Variants in NFX1 observed in about 807,000 individuals in gnomAD.
NFX1 encodes transcriptional repressor NF-X1.
In NFX1, 69 loss-of-function variants were observed where a neutral mutation model predicts 137.2. The observed-to-expected ratio is 0.50, with a 90% CI of 0.41 to 0.61. The LOEUF (loss-of-function observed/expected upper bound fraction) is 0.61, where lower values mean the gene tolerates loss of function less well. NFX1 is among the 20% of genes least tolerant of loss of function. The pLI is 0.00. For synonymous variants in NFX1, 495 were observed against 474.1 expected, an observed-to-expected ratio of 1.04 and a Z score of -0.57; for missense variants, 1,167 against 1,391.0, an observed-to-expected ratio of 0.84 and a Z score of 2.56.
At chr9:33,339,106 C>G (rs1277496476) in intron 12 of NFX1, among the ~76,000 whole-genome samples, 4 of 152,032 alleles carry the variant, frequency 2.6e-5, no homozygotes, top group Admixed American at 2.6e-4. Context: ...ATCTCATATA[C>G]TCTTTTATAT....
At chr9:33,369,790 TA>T in intron 23 of NFX1, 115 bp from the exon 24 acceptor site, 1 of 790,678 alleles carries the variant, frequency 1.3e-6, no homozygotes, top group Non-Finnish European at 2.0e-6. Flanking sequence ...AAAATAAAAA[TA>T]AAATAAATGT....
Position 33,344,098 on chromosome 9 carries a change from G to A in NFX1, c.2254G>A (p.Ala752Thr). The change falls in exon 14 of 24, where the codon GCA becomes ACA. Residue 752 changes from alanine (A) to threonine (T), a missense_variant. Physicochemically the swap from Ala to Thr is moderately conservative, Grantham distance 58 (BLOSUM62 0). Transcript: ENST00000379540. ...TGATGAATTAACCTGCCATTGTGGT[G>A]CATCAGTGATTTACCCTCCAGTTCC... ...SFDELTCHCG[A>T]SVIYPPVPCG... 4 of 1,614,026 alleles carry A rather than the reference G, an allele frequency of 2.5e-6. No individual in the cohort carries two copies. The highest frequency in any genetic ancestry group is 2.2e-5 in the East Asian group (1 of 44,878).
intron 15 of NFX1, chr9:33,347,685 C>T (rs1174687771): frequency 4.6e-6 from 2 of 436,804 alleles, no homozygotes; most frequent in Non-Finnish European, 9.2e-6. Context: ...TGGGCGTCTA[C>T]CCAGAAGAAA....
intron 15 of NFX1, among the ~76,000 whole-genome samples, chr9:33,347,355 G>A (rs748556877): frequency 6.4e-4 from 98 of 152,196 alleles, no homozygotes; most frequent in Non-Finnish European, 8.8e-4. Context: ...CCACAATCAA[G>A]ATATAGAACA....
At chr9:33,301,833 A>G (rs1821578827) in intron 3 of NFX1, among the ~76,000 whole-genome samples, 1 of 152,162 alleles carries the variant, frequency 6.6e-6, no homozygotes, top group Non-Finnish European at 1.5e-5. Context: ...GCGCTTTGGG[A>G]GGCCAAGGCA....
intron 5 of NFX1, among the ~76,000 whole-genome samples, chr9:33,310,415 G>A (rs1200589088): frequency 6.6e-6 from 1 of 152,186 alleles, no homozygotes; most frequent in Non-Finnish European, 1.5e-5. Context: ...GAAGAGGGCA[G>A]TATATATTTG....
chr9:33,335,240 T>C (rs1039702590), intron 11 of NFX1, among the ~76,000 whole-genome samples: 7 of 150,370 alleles, frequency 4.7e-5, no homozygotes, highest in African/African-American at 1.7e-4. Context: ...TTTTTTTTTT[T>C]TTTTTTTGAG....
chr9:33,313,553 T>C (rs1014324945), intron 6 of NFX1, 101 bp from the exon 7 acceptor site: 2 of 1,108,556 alleles, frequency 1.8e-6, no homozygotes, highest in African/African-American at 3.1e-5. Context: ...AGAGAAAGGC[T>C]TAGTGGGTTT....
At chr9:33,311,334 T>C (rs1473469561) in intron 6 of NFX1, among the ~76,000 whole-genome samples, 157 bp downstream of exon 6, 2 of 152,078 alleles carry the variant, frequency 1.3e-5, no homozygotes, top group Non-Finnish European at 2.9e-5. Context: ...TTAAAAAGCT[T>C]TAGAACAGGA....
intron 18 of NFX1, 149 bp from the exon 19 acceptor site, chr9:33,354,702 T>A (rs921399689): frequency 8.0e-6 from 5 of 628,904 alleles, no homozygotes; most frequent in Non-Finnish European, 1.4e-5. Context: ...GAAGAGCAGG[T>A]GGCCTCACAG....
chr9:33,292,828 C>A (rs1480848183), intron 1 of NFX1, among the ~76,000 whole-genome samples: 4 of 152,234 alleles, frequency 2.6e-5, no homozygotes, highest in African/African-American at 7.2e-5. Flanking sequence ...ATTTCTGCCC[C>A]TCTTTCCAGT....
In NFX1 at chr9:33,361,759, G is replaced by C. The variant is rs551770161; in HGVS notation, c.2874-2251G>C. ...TTGTACTCCAGCCTGGGCGACAAGA[G>C]CAGCCTGGGCGACAAGAGCAAGACT... On this transcript the variant is annotated intron_variant, in intron 19 of 23. Transcript: ENST00000379540. Among the ~76,000 whole-genome samples, 201 of 151,444 alleles carry C rather than the reference G, an allele frequency of 1.3e-3. 4 individuals carry two copies. Among genetic ancestry groups the C allele is most frequent in the Admixed American group, 0.012 (187 of 15,164 alleles).
Position 33,347,425 on chromosome 9 carries a change from CT to C in NFX1, c.2424+310del, listed in dbSNP as rs546913253. Among the ~76,000 whole-genome samples, 11 of 152,310 alleles carry C rather than the reference CT, an allele frequency of 7.2e-5. No individual in the cohort carries two copies. In the South Asian group the frequency reaches 2.1e-3, roughly 29 times the overall value. ...TATACTCAATGTCCCCTACTTCCAA[CT>C]TCTGAAAACCAATGTTGTCTGTTCC... On this transcript the variant is annotated intron_variant, in intron 15 of 23. Coordinates refer to ENST00000379540, the MANE Select transcript of NFX1 (RefSeq NM_002504.6).
In NFX1 at chr9:33,351,727, T is replaced by A. The variant is rs757127069; in HGVS notation, c.2592T>A (p.Gly864=). 2 of 1,613,296 alleles carry A rather than the reference T, an allele frequency of 1.2e-6. No individual in the cohort carries two copies. The highest frequency in any genetic ancestry group is 1.7e-5 in the Admixed American group (1 of 59,926). The change falls in exon 16 of 24, where the codon GGT becomes GGA. Residue 864 remains glycine (G), a synonymous_variant. Coordinates refer to ENST00000379540, the MANE Select transcript of NFX1 (RefSeq NM_002504.6). The stretch of plus-strand genomic sequence containing the variant: ...GCACCACCCCCAGAGCTGACTGTGG[T>A]CACCCGTGTATGGCACCCTGCCATA... The part of the protein sequence containing the change: ...QPCTTPRADC[G]HPCMAPCHTS...
chr9:33,348,295 T>C (rs1289456643), intron 15 of NFX1: 1 of 151,888 alleles, frequency 6.6e-6, no homozygotes, highest in African/African-American at 2.4e-5. Context: ...GATGTTGCAG[T>C]GAGCCAATAT....
At chr9:33,344,285 G>A (rs1564136543) in intron 14 of NFX1, 97 bp downstream of exon 14, 1 of 1,538,770 alleles carries the variant, frequency 6.5e-7, no homozygotes, top group Non-Finnish European at 8.9e-7. Flanking sequence ...GTCATGCTGT[G>A]ATGGCTGCCC....
chr9:33,347,103 A>G lies in NFX1; in HGVS notation c.2410A>G (p.Met804Val), dbSNP rs768646677. The G allele has an allele frequency of 4.3e-6, 7 of 1,612,842 alleles. No homozygotes were observed. The highest frequency in any genetic ancestry group is 3.3e-4 in the Middle Eastern group (2 of 6,060). ...CACTTTCCTAACTCAGAAGTGGTGC[A>G]TGGGCAAGCATGAGGTAAGTTTTCT... ...PCTFLTQKWC[M>V]GKHEFRSNIP... is the part of the protein sequence containing the mutation. Residue 804 changes from methionine (M) to valine (V), a missense_variant, in exon 15 of 24, where the codon ATG becomes GTG. Physicochemically the swap from Met to Val is conservative, Grantham distance 21. This residue lies in a region of NFX1 where 488 missense variants were observed against 691.5 expected (regional missense o/e 0.71). Coordinates refer to ENST00000379540, the MANE Select transcript of NFX1 (RefSeq NM_002504.6).
In NFX1 at chr9:33,328,670, A is replaced by C. The variant is rs1275617814; in HGVS notation, c.1996A>C (p.Arg666=). The change falls in exon 10 of 24, where the codon AGA becomes CGA. Residue 666 remains arginine, a synonymous_variant. Coordinates refer to ENST00000379540, the MANE Select transcript of NFX1 (RefSeq NM_002504.6). The part of the protein sequence containing the change: ...TSVISCRCSF[R]TKELPCTSLK... The stretch of plus-strand genomic sequence containing the variant: ...AGTTATTTCCTGCAGATGCTCTTTC[A>C]GAACAAAGGTAAATCCTAAACAATG... The C allele has an allele frequency of 2.5e-6, 4 of 1,610,670 alleles. No homozygotes were observed. The highest frequency in any genetic ancestry group is 3.4e-6 in the Non-Finnish European group (4 of 1,177,144).
chr9:33,303,807 TTGC>T (rs1216886126), intron 4 of NFX1, among the ~76,000 whole-genome samples: 1 of 152,244 alleles, frequency 6.6e-6, no homozygotes, highest in Non-Finnish European at 1.5e-5. Context: ...ATGCTCATTC[TTGC>T]TGCTAGCCCA....
Sources: allele counts gnomAD v4.1 joint callset (sites outside exome capture counted in the v4.1 genomes callset), GRCh38; gene constraint gnomAD v4.1.1; regional missense constraint gnomAD v4.1.1; transcripts MANE v1.5; gene names NCBI Gene and HGNC (gene_info 2026-07-23, HGNC 2026-07-21).